The following PDPR variants were observed in gnomAD, a reference collection of about 807,000 sequenced individuals.
PDPR encodes the protein pyruvate dehydrogenase phosphatase regulatory subunit, also known as pyruvate dehydrogenase phosphatase regulatory subunit, mitochondrial.
Under a neutral mutation model 102.2 loss-of-function variants are expected in PDPR, and 50 were observed. The ratio of observed to expected loss-of-function variants is 0.49; its 90% CI spans 0.39 to 0.62. PDPR has a LOEUF of 0.62. Ranked by LOEUF, PDPR falls within the 20% of genes least tolerant of loss-of-function variation. PDPR has a pLI of 0.00. For missense variants in PDPR, 625 were observed against 1,098.2 expected (o/e 0.57, Z 6.09); for synonymous variants, 259 against 406.0 (o/e 0.64, Z 4.35).
At chr16:70,115,784 G>T (rs537225711) in intron 2 of PDPR, among the ~76,000 whole-genome samples, 1 of 151,930 alleles carries the variant, frequency 6.6e-6, no homozygotes, top group East Asian at 1.9e-4. Context: ...AATATTATAC[G>T]GTCATTTTCC....
At position 70,146,230 on chromosome 16, in the gene PDPR, TA is replaced by T. The variant is rs1266137898; in HGVS notation, c.1962+4del. The T allele has an allele frequency of 6.2e-7, 1 of 1,613,774 alleles. No individual in the cohort carries two copies. The highest frequency in any genetic ancestry group is 1.3e-5 in the African/African-American group (1 of 74,908). On this transcript the variant is annotated splice_donor_region_variant and intron_variant, in intron 16 of 18. Transcript: ENST00000288050. ...CACTTCCCAAGCCTCTTTTGCAAGG[TA>T]AGTGCTGATAAAGTTCTGTTTCTTA...
chr16:70,145,353 G>T (rs1173614309), intron 15 of PDPR, among the ~76,000 whole-genome samples: 4 of 152,230 alleles, frequency 2.6e-5, no homozygotes, highest in Non-Finnish European at 4.4e-5. Flanking sequence ...GGCCAGGCTG[G>T]TCTTGAACTC....
chr16:70,139,977 G>T (rs1446579043), intron 11 of PDPR, among the ~76,000 whole-genome samples: 43 of 152,326 alleles, frequency 2.8e-4, no homozygotes, highest in Middle Eastern at 3.4e-3. Flanking sequence ...CCATGGAGAT[G>T]AAGGACCTAA....
chr16:70,149,838 T>C (rs1597373873), intron 17 of PDPR, among the ~76,000 whole-genome samples: 1 of 152,266 alleles, frequency 6.6e-6, no homozygotes, highest in East Asian at 1.9e-4. Context: ...TCGCCCAGGC[T>C]GGAGTGCAGT....
chr16:70,140,941 C>G (rs191478372), intron 11 of PDPR, among the ~76,000 whole-genome samples: 17 of 152,398 alleles, frequency 1.1e-4, no homozygotes, highest in Middle Eastern at 3.4e-3. Flanking sequence ...TGTCTCCCAA[C>G]CTCCCCAAGC....
At chr16:70,151,437 C>T (rs1966733697) in intron 17 of PDPR, among the ~76,000 whole-genome samples, 1 of 152,276 alleles carries the variant, frequency 6.6e-6, no homozygotes, top group African/African-American at 2.4e-5. Flanking sequence ...AATATCAGCG[C>T]ATGAAATTTC....
chr16:70,126,230 G>A (rs1253028189), intron 3 of PDPR, among the ~76,000 whole-genome samples: 1 of 152,242 alleles, frequency 6.6e-6, no homozygotes, highest in Non-Finnish European at 1.5e-5. Flanking sequence ...TTTTATTTTA[G>A]AGATGGGGTC....
chr16:70,130,994 A>G (rs1459499388), intron 7 of PDPR, among the ~76,000 whole-genome samples: 1 of 152,260 alleles, frequency 6.6e-6, no homozygotes, highest in Non-Finnish European at 1.5e-5. Flanking sequence ...AAGTTCATTT[A>G]GTGATTGCTA....
chr16:70,139,810 A>G (rs1352089655), intron 11 of PDPR, among the ~76,000 whole-genome samples: 3 of 152,236 alleles, frequency 2.0e-5, no homozygotes, highest in Admixed American at 2.0e-4. Flanking sequence ...TTTTGGGCAT[A>G]CTTATGCTCA....
chr16:70,117,219 C>A (rs1187729339), intron 2 of PDPR, among the ~76,000 whole-genome samples: 2 of 126,512 alleles, frequency 1.6e-5, no homozygotes, highest in South Asian at 2.3e-4. Context: ...AAAATATTAG[C>A]TTTAAAAATT....
chr16:70,125,864 C>T (rs1427517285), intron 3 of PDPR, among the ~76,000 whole-genome samples: 2 of 152,200 alleles, frequency 1.3e-5, no homozygotes, highest in Non-Finnish European at 2.9e-5. Flanking sequence ...GAACGCCTGA[C>T]CTCAAGTGAT....
chr16:70,123,781 G>A (rs1430733067), intron 3 of PDPR, among the ~76,000 whole-genome samples: 2 of 152,246 alleles, frequency 1.3e-5, no homozygotes, highest in African/African-American at 4.8e-5. Context: ...AGCCAGGCAC[G>A]ATCGCTCACA....
intron 17 of PDPR, among the ~76,000 whole-genome samples, chr16:70,152,340 G>A (rs890953422): frequency 3.9e-5 from 6 of 152,270 alleles, no homozygotes; most frequent in African/African-American, 7.2e-5. Context: ...TCAACATGGC[G>A]AAACCTCGTC....
At chr16:70,137,127 C>T (rs1337437203) in intron 10 of PDPR, among the ~76,000 whole-genome samples, 10 of 152,162 alleles carry the variant, frequency 6.6e-5, no homozygotes, top group East Asian at 5.9e-4. Context: ...CCGAGGTGGG[C>T]GGATCACAAG....
chr16:70,126,576 G>A (rs1963992695), intron 3 of PDPR, among the ~76,000 whole-genome samples: 1 of 152,268 alleles, frequency 6.6e-6, no homozygotes, highest in South Asian at 2.1e-4. Context: ...TGTTAGCCAA[G>A]ATGGTTTCGA....
intron 3 of PDPR, among the ~76,000 whole-genome samples, chr16:70,125,379 AAAACAAAC>A (rs112477483): frequency 8.3e-5 from 11 of 132,994 alleles, no homozygotes; most frequent in Non-Finnish European, 1.2e-4. Flanking sequence ...CGTCTCTAAA[AAAACAAAC>A]AAACAAAAAA....
chr16:70,157,223 G>C lies in PDPR; in HGVS notation c.*344G>C. The C allele has an allele frequency of 1.8e-6, 1 of 540,882 alleles. No homozygotes were observed. Among genetic ancestry groups the C allele is most frequent in the South Asian group, 1.5e-5 (1 of 65,206 alleles). The allele number at this position is 540,882 out of a possible 1,614,324, so 33.5% of individuals were successfully genotyped here. A position where few individuals can be genotyped will look rare whatever the true frequency, so the allele number is the denominator to read the frequency against. On this transcript the variant is annotated 3_prime_UTR_variant, in exon 19 of 19. Coordinates refer to ENST00000288050, the MANE Select transcript of PDPR (RefSeq NM_017990.5). ...CTGCTTTCAAATTCTGCATCTCAAG[G>C]CAGGGCAAGCCGGGGTGGTGCAGGT...
At chr16:70,113,686 A>C (rs1039167015), upstream of PDPR, 1 of 136,774 alleles carries the variant, frequency 7.3e-6, no homozygotes, top group African/African-American at 2.5e-5. Flanking sequence ...GGATGAGTGG[A>C]GACTTCTCTG....
At chr16:70,141,726 G>A (rs1407775067) in intron 11 of PDPR, among the ~76,000 whole-genome samples, 1 of 152,400 alleles carries the variant, frequency 6.6e-6, no homozygotes, top group East Asian at 1.9e-4. Context: ...AGGGAGGGAC[G>A]ATAGCAGCTT....
Sources: gnomAD v4.1 joint callset for allele counts (sites outside exome capture counted in the v4.1 genomes callset) on GRCh38, gnomAD v4.1.1 for gene constraint, MANE v1.5 for transcripts, NCBI Gene and HGNC (gene_info 2026-07-23, HGNC 2026-07-21) for gene names.